Variants in ZNF180 observed in about 807,000 individuals in gnomAD.
The protein encoded by ZNF180 is zinc finger protein 180 (HHZ168).
ZNF180 carries 11 observed loss-of-function variants against 11.8 expected under a neutral mutation model. The observed-to-expected ratio is 0.93, with a 90% CI of 0.59 to 1.55. The LOEUF is 1.55. Among genes scored for constraint, ZNF180 ranks in the 40% most tolerant of loss-of-function variants. ZNF180 has a pLI of 0.00. For synonymous variants in ZNF180, 287 were observed against 257.7 expected, an observed-to-expected ratio of 1.11 and a Z score of -1.09; for missense variants, 773 against 781.7, an observed-to-expected ratio of 0.99 and a Z score of 0.13.
In ZNF180 at chr19:44,477,027, C is replaced by T. The variant is rs767875152; in HGVS notation, c.1373G>A (p.Arg458Lys). ...IQSYKLIAHQ[R>K]IHTGEKPYEC... ...ATAGGGTTTTTCCCCAGTATGAATT[C>T]TTTGATGTGCAATAAGTTTATAGCT... Residue 458 changes from arginine to lysine, a missense_variant, in exon 5 of 5, where the codon AGA (arginine) becomes AAA (lysine). Arg to Lys is a conservative substitution (Grantham distance 26). Coordinates refer to ENST00000592529, the MANE Select transcript of ZNF180 (RefSeq NM_001278509.3). 6.2e-7 allele frequency: 1 copy of T among 1,614,078 alleles called. No individual in the cohort carries two copies. The highest frequency in any genetic ancestry group is 2.2e-5 in the East Asian group (1 of 44,864).
In ZNF180 at chr19:44,478,127, T is replaced by C. The variant is rs1969982605; in HGVS notation, c.273A>G (p.Gly91=). ...TCTGCTTTGAAGTTGAATCTTTTTT[T>C]CCAACTGCAGTTGCCAAGTCTGAAA... ...LVSWDLATAV[G]KKDSTSKQRI... The change falls in exon 5 of 5, where the codon GGA becomes GGG. Residue 91 remains glycine, a synonymous_variant. Transcript: ENST00000592529. The C allele has an allele frequency of 6.4e-7, 1 of 1,574,536 alleles. No individual in the cohort carries two copies. Among genetic ancestry groups the C allele is most frequent in the East Asian group, 2.3e-5 (1 of 44,170 alleles).
chr19:44,489,837 GA>G (rs1970381110), intron 2 of ZNF180, among the ~76,000 whole-genome samples: 1 of 33,206 alleles, frequency 3.0e-5, no homozygotes, highest in Non-Finnish European at 7.9e-5. Context: ...AAGAAAAGAA[GA>G]GAAGAGATGA....
chr19:44,498,492 T>C (rs564842383), intron 1 of ZNF180, among the ~76,000 whole-genome samples: 3 of 152,238 alleles, frequency 2.0e-5, no homozygotes, highest in East Asian at 1.9e-4. Context: ...CCTGCCCAGA[T>C]TCTGACCAAA....
rs1969965008 is a variant in ZNF180, at chr19:44,477,794, A to G, written c.606T>C (p.Leu202=). The G allele has an allele frequency of 1.2e-6, 2 of 1,613,840 alleles. No individual in the cohort carries two copies. Among genetic ancestry groups the G allele is most frequent in the Non-Finnish European group, 1.7e-6 (2 of 1,179,980 alleles). The change falls in exon 5 of 5, where the codon CTT becomes CTC. Residue 202 remains leucine, a synonymous_variant. Coordinates refer to ENST00000592529, the MANE Select transcript of ZNF180 (RefSeq NM_001278509.3). ...KHVSHAKKWH[L]NAAVNSHQKI... ...TCTGATGACTGTTTACAGCAGCATT[A>G]AGATGCCATTTTTTAGCATGTGATA...
intron 2 of ZNF180, among the ~76,000 whole-genome samples, chr19:44,487,933 G>A (rs1041047478): frequency 1.3e-5 from 2 of 152,102 alleles, no homozygotes; most frequent in African/African-American, 4.8e-5. Context: ...CACCATGTTG[G>A]CCAGGATGGT....
At chr19:44,494,119 G>C (rs1159697621) in intron 2 of ZNF180, among the ~76,000 whole-genome samples, 1 of 152,192 alleles carries the variant, frequency 6.6e-6, no homozygotes, top group Non-Finnish European at 1.5e-5. Context: ...TGTAGCCTTG[G>C]AAAGTATAAG....
At chr19:44,483,853 T>C (rs1970146160) in intron 3 of ZNF180, among the ~76,000 whole-genome samples, 1 of 152,284 alleles carries the variant, frequency 6.6e-6, no homozygotes, top group Non-Finnish European at 1.5e-5. Context: ...TTAAACTGAA[T>C]TGAATATTTT....
chr19:44,484,720 A>T (rs1177059879), intron 2 of ZNF180: 1 of 481,500 alleles, frequency 2.1e-6, no homozygotes, highest in Non-Finnish European at 3.8e-6. Context: ...TGAGTGATCC[A>T]AGACACTAAG....
intron 2 of ZNF180, chr19:44,485,110 A>T (rs1053085552): frequency 2.6e-5 from 4 of 151,102 alleles, no homozygotes; most frequent in African/African-American, 9.8e-5. Context: ...GCAGTGATCC[A>T]AGATCATGCC....
At chr19:44,497,199 G>T in intron 2 of ZNF180, 85 bp downstream of exon 2, 1 of 1,263,592 alleles carries the variant, frequency 7.9e-7, no homozygotes, top group Non-Finnish European at 1.1e-6. Flanking sequence ...CTAAAAGGCT[G>T]CAAAGAGAGT....
Position 44,475,078 on chromosome 19 carries a change from T to C in ZNF180, c.*1324A>G, listed in dbSNP as rs567938842. The C allele has an allele frequency of 1.3e-5, 2 of 152,328 alleles. No homozygotes were observed. Among genetic ancestry groups the C allele is most frequent in the East Asian group, 1.9e-4 (1 of 5,188 alleles). The allele number at this position is 152,328 out of a possible 1,614,324, so 9.4% of individuals were successfully genotyped here. ...GTCTCTCAGTTCAACTTTCAGCTTA[T>C]TACCTTTCTGGGATCAGAGGCTTCA... is the stretch of plus-strand genomic sequence containing the variant. On this transcript the variant is annotated 3_prime_UTR_variant, in exon 5 of 5. Coordinates refer to ENST00000592529, the MANE Select transcript of ZNF180 (RefSeq NM_001278509.3).
chr19:44,476,753 C>T lies in ZNF180; in HGVS notation c.1647G>A (p.Pro549=), dbSNP rs776750903. ...MHQRIHTGEK[P]YECNQCGKSF... The stretch of plus-strand genomic sequence containing the variant: ...ATTTCCCACACTGATTACATTCATA[C>T]GGTTTTTCCCCAGTGTGAATTCTCT... Residue 549 remains proline (P), a synonymous_variant, in exon 5 of 5, where the codon CCG becomes CCA. Coordinates refer to ENST00000592529, the MANE Select transcript of ZNF180 (RefSeq NM_001278509.3). The T allele has an allele frequency of 2.3e-5, 37 of 1,612,706 alleles. No individual in the cohort carries two copies. The highest frequency in any genetic ancestry group is 1.6e-4 in the Middle Eastern group (1 of 6,074).
Position 44,478,161 on chromosome 19 carries a change from T to A in ZNF180, c.254-15A>T. 6.5e-7 allele frequency: 1 copy of A among 1,530,016 alleles called. No individual in the cohort carries two copies. The highest frequency in any genetic ancestry group is 2.3e-5 in the East Asian group (1 of 43,756). 94.8% of individuals were successfully genotyped at this position (1,530,016 alleles called of 1,614,324 possible). A position where few individuals can be genotyped will look rare whatever the true frequency, so the allele number is the denominator to read the frequency against. ...AGTTGCCAAGTCTGAAAGAAAGCAATATAAGACATCTTAGTCAAAAAATAT... is the reference window on the plus strand; with the variant it reads ...AGTTGCCAAGTCTGAAAGAAAGCAAAATAAGACATCTTAGTCAAAAAATAT... On this transcript the variant is annotated splice_polypyrimidine_tract_variant and intron_variant, in intron 4 of 4. Coordinates refer to ENST00000592529, the MANE Select transcript of ZNF180 (RefSeq NM_001278509.3).
In ZNF180 at chr19:44,500,308, C is replaced by G. The variant is rs1970718884; in HGVS notation, c.-77G>C. The G allele has an allele frequency of 6.3e-7, 1 of 1,594,072 alleles. No individual in the cohort carries two copies. The highest frequency in any genetic ancestry group is 8.6e-7 in the Non-Finnish European group (1 of 1,165,642). ...CCGCTGGCCCGCAGCCCAGGCTGGG[C>G]CTGTCACCGCCTCAGTGCCTAGCAC... On this transcript the variant is annotated 5_prime_UTR_variant, in exon 1 of 5. Transcript: ENST00000592529.
At chr19:44,493,010 C>G (rs1371047571) in intron 2 of ZNF180, among the ~76,000 whole-genome samples, 1 of 152,184 alleles carries the variant, frequency 6.6e-6, no homozygotes, top group Non-Finnish European at 1.5e-5. Flanking sequence ...CAAACTACAG[C>G]ACTGGAAAGA....
At chr19:44,497,506 T>C in intron 1 of ZNF180, 129 bp from the exon 2 acceptor site, 8 of 931,180 alleles carry the variant, frequency 8.6e-6, no homozygotes, top group Non-Finnish European at 1.2e-5. Flanking sequence ...TGGAGGTTCC[T>C]GCCAGCTTCC....
At chr19:44,482,815 A>C (rs1283659516) in intron 3 of ZNF180, among the ~76,000 whole-genome samples, 1 of 152,104 alleles carries the variant, frequency 6.6e-6, no homozygotes, top group African/African-American at 2.4e-5. Context: ...AAACACTATT[A>C]GCAGTATTAT....
At position 44,476,784 on chromosome 19, in the gene ZNF180, A is replaced by C; in HGVS notation, c.1616T>G (p.Met539Arg). The C allele has an allele frequency of 6.2e-7, 1 of 1,613,726 alleles. No homozygotes were observed. Among genetic ancestry groups the C allele is most frequent in the Non-Finnish European group, 8.5e-7 (1 of 1,179,898 alleles). Residue 539 changes from methionine to arginine, a missense_variant, in exon 5 of 5, where the codon ATG becomes AGG. Transcript: ENST00000592529. The part of the protein sequence containing the change: ...KSFNRSSHLV[M>R]HQRIHTGEKP... Reference sequence around the variant, plus strand: ...TTCCCCAGTGTGAATTCTCTGATGCATAACAAGGTGAGAACTGCGGTTAAA... The same window carrying C: ...TTCCCCAGTGTGAATTCTCTGATGCCTAACAAGGTGAGAACTGCGGTTAAA...
At position 44,495,171 on chromosome 19, in the gene ZNF180, C is replaced by G. The variant is rs116623631; in HGVS notation, c.51+2113G>C. Among the ~76,000 whole-genome samples, 324 of 152,254 alleles carry G rather than the reference C, an allele frequency of 2.1e-3. No individual in the cohort carries two copies. Among genetic ancestry groups the G allele is most frequent in the African/African-American group, 7.5e-3 (313 of 41,520 alleles). ...GCCTGGCTCCAGTCCCTTATATATA[C>G]ACTTACTTATCTGATCTAGCCCCCT... On this transcript the variant is annotated intron_variant, in intron 2 of 4. Transcript: ENST00000592529. The surrounding 1 kb of genome is among the most constrained non-coding windows in gnomAD (Gnocchi z 4.5).
Sources: allele counts gnomAD v4.1 joint callset (sites outside exome capture counted in the v4.1 genomes callset), GRCh38; gene constraint gnomAD v4.1.1; non-coding constraint Gnocchi (gnomAD v3.1); transcripts MANE v1.5; gene names NCBI Gene and HGNC (gene_info 2026-07-23, HGNC 2026-07-21).